The following DIP2B variants were observed in gnomAD, a reference collection of about 807,000 sequenced individuals.
DIP2B encodes the protein DIP2 acetate--CoA ligase B (putative), also known as disco-interacting protein 2 homolog B.
A neutral mutation model predicts 198.0 loss-of-function variants in DIP2B; 76 were observed. The observed-to-expected ratio is 0.38, with a 90% CI of 0.32 to 0.46. The LOEUF (loss-of-function observed/expected upper bound fraction) is 0.46. Among genes scored for constraint, DIP2B ranks in the 20% least tolerant of loss-of-function variants. The pLI is 0.99. For missense variants in DIP2B, 1,559 were observed against 1,978.4 expected (o/e 0.79, Z 4.02); for synonymous variants, 701 against 739.1 (o/e 0.95, Z 0.84).
At chr12:50,669,853 G>A (rs1037470689) in intron 4 of DIP2B, among the ~76,000 whole-genome samples, 1 of 152,092 alleles carries the variant, frequency 6.6e-6, no homozygotes, top group African/African-American at 2.4e-5. Context: ...TATGTATTTG[G>A]CTCTTTGAAC....
At chr12:50,572,478 C>T (rs1467338122) in intron 1 of DIP2B, among the ~76,000 whole-genome samples, 4 of 152,116 alleles carry the variant, frequency 2.6e-5, no homozygotes, top group African/African-American at 9.7e-5. Flanking sequence ...AGAATGCTTT[C>T]GCAACAACTT....
intron 1 of DIP2B, among the ~76,000 whole-genome samples, chr12:50,608,284 G>A (rs1959001285): frequency 1.3e-5 from 2 of 152,106 alleles, no homozygotes; most frequent in South Asian, 2.1e-4. Flanking sequence ...ATTTAGAAAA[G>A]CCATTTTGAT....
rs186166942 is a variant in DIP2B, at chr12:50,549,423, G to A, written c.100+44183G>A. ...CGGGTGCCTGTAGTCCCAGCTACAC[G>A]GGAGGCTGAGGCAGGAGAATGGCGT... On this transcript the variant is annotated intron_variant, in intron 1 of 37. Coordinates refer to ENST00000301180, the MANE Select transcript of DIP2B (RefSeq NM_173602.3). 2.7e-3 allele frequency among the ~76,000 whole-genome samples: 414 copies of A among 152,226 alleles called. 2 individuals are homozygous for A. Among genetic ancestry groups the A allele is most frequent in the African/African-American group, 9.1e-3 (380 of 41,544 alleles).
chr12:50,565,495 A>G (rs1958556197), intron 1 of DIP2B, among the ~76,000 whole-genome samples: 1 of 152,040 alleles, frequency 6.6e-6, no homozygotes, highest in Admixed American at 6.6e-5. Flanking sequence ...ACGGGGTTTC[A>G]CTGTGTTAGC....
chr12:50,666,416 C>T (rs985704227), intron 4 of DIP2B, among the ~76,000 whole-genome samples: 2 of 152,092 alleles, frequency 1.3e-5, no homozygotes, highest in Non-Finnish European at 1.5e-5. Flanking sequence ...AGTTAGATAA[C>T]CTGAAAATTA....
Position 50,715,341 on chromosome 12 carries a change from T to G in DIP2B, c.2851+745T>G, listed in dbSNP as rs1014978519. Among the ~76,000 whole-genome samples, 10 of 152,198 alleles carry G rather than the reference T, an allele frequency of 6.6e-5. 1 individual carries two copies. Among genetic ancestry groups the G allele is most frequent in the Admixed American group, 5.2e-4 (8 of 15,264 alleles). Reference sequence around the variant, plus strand: ...TGGCTTGGCTGGGATCCACTGGACTTGACTTGGCTCCAGGCTTAGGTTGGG... The same window carrying G: ...TGGCTTGGCTGGGATCCACTGGACTGGACTTGGCTCCAGGCTTAGGTTGGG... On this transcript the variant is annotated intron_variant, in intron 23 of 37. Transcript: ENST00000301180.
chr12:50,744,143 G>A (rs1418112387), intron 37 of DIP2B, among the ~76,000 whole-genome samples: 3 of 152,058 alleles, frequency 2.0e-5, no homozygotes, highest in African/African-American at 2.4e-5. Context: ...CTGGGACTAC[G>A]GGTGCTCACC....
chr12:50,675,297 G>T, intron 6 of DIP2B, 32 bp from the exon 7 acceptor site: 1 of 1,604,020 alleles, frequency 6.2e-7, no homozygotes, highest in South Asian at 1.1e-5. Flanking sequence ...TACAGTCAAT[G>T]AATTTTAACT....
At chr12:50,524,066 T>C (rs1465392495) in intron 1 of DIP2B, among the ~76,000 whole-genome samples, 1 of 152,222 alleles carries the variant, frequency 6.6e-6, no homozygotes, top group African/African-American at 2.4e-5. Flanking sequence ...TATTTGGAGC[T>C]GAAAGGCCAT....
At chr12:50,694,867 A>G (rs1327254979) in intron 14 of DIP2B, among the ~76,000 whole-genome samples, 1 of 150,480 alleles carries the variant, frequency 6.6e-6, no homozygotes, top group Non-Finnish European at 1.5e-5. Context: ...AAAAAGAATT[A>G]TGTAGATCTC....
chr12:50,714,288 A>C, intron 22 of DIP2B, 107 bp from the exon 23 acceptor site: 1 of 1,209,650 alleles, frequency 8.3e-7, no homozygotes, highest in South Asian at 1.4e-5. Flanking sequence ...TAGATCTAGA[A>C]TGGGTAGAGT....
At chr12:50,598,734 TCCCCCCTCCCCC>T (rs1958900257) in intron 1 of DIP2B, among the ~76,000 whole-genome samples, 1 of 224 alleles carries the variant, frequency 4.5e-3, no homozygotes, top group Non-Finnish European at 7.1e-3. Flanking sequence ...TTCCCTCCCC[TCCCCCCTCCCCC>T]CTCCCCCTCC....
chr12:50,711,188 G>A (rs527533809), intron 22 of DIP2B, among the ~76,000 whole-genome samples: 9 of 152,198 alleles, frequency 5.9e-5, no homozygotes, highest in East Asian at 1.9e-4. Flanking sequence ...CATTCTTTTC[G>A]CAGTCTTTGT....
At chr12:50,727,884 T>G (rs946731250) in intron 29 of DIP2B, 72 bp downstream of exon 29, 1 of 1,318,808 alleles carries the variant, frequency 7.6e-7, no homozygotes. Context: ...AAACTATAGA[T>G]GCAGAGGCCA....
intron 25 of DIP2B, among the ~76,000 whole-genome samples, chr12:50,720,947 T>C (rs1424883355): frequency 3.3e-5 from 5 of 152,156 alleles, no homozygotes; most frequent in African/African-American, 7.2e-5. Context: ...ACTACAGGCA[T>C]GTGCCACCAC....
At chr12:50,513,644 TG>T (rs1336165010) in intron 1 of DIP2B, among the ~76,000 whole-genome samples, 1 of 152,084 alleles carries the variant, frequency 6.6e-6, no homozygotes, top group Non-Finnish European at 1.5e-5. Flanking sequence ...GAGGCTGAGG[TG>T]GGCAGATCAC....
Position 50,510,667 on chromosome 12 carries a change from C to T in DIP2B, c.100+5427C>T, listed in dbSNP as rs1451695032. On this transcript the variant is annotated intron_variant, in intron 1 of 37. Coordinates refer to ENST00000301180, the MANE Select transcript of DIP2B (RefSeq NM_173602.3). ...TACCACCTTTTTTTTTTTTTTGAGA[C>T]GGAGTTTCACTCTTGTTGCCCAGGC... 9.8e-5 allele frequency among the ~76,000 whole-genome samples: 14 copies of T among 142,680 alleles called. No individual in the cohort carries two copies. In the South Asian group the frequency reaches 2.2e-3, roughly 23 times the overall value. 93.6% of individuals were successfully genotyped at this position (142,680 alleles called of 152,430 possible). A position where few individuals can be genotyped will look rare whatever the true frequency, so the allele number is the denominator to read the frequency against.
At chr12:50,701,748 AC>A (rs1184871977) in intron 19 of DIP2B, among the ~76,000 whole-genome samples, 27 of 151,894 alleles carry the variant, frequency 1.8e-4, no homozygotes, top group Non-Finnish European at 3.8e-4. Flanking sequence ...AGGGAGAAAA[AC>A]TTTTGTGACA....
intron 1 of DIP2B, among the ~76,000 whole-genome samples, chr12:50,547,413 G>A (rs913747552): frequency 4.6e-5 from 7 of 152,072 alleles, no homozygotes; most frequent in African/African-American, 1.7e-4. Flanking sequence ...ATATGTCTAG[G>A]AATCTGTCCC....
Sources: gnomAD v4.1 joint callset for allele counts (sites outside exome capture counted in the v4.1 genomes callset) on GRCh38, gnomAD v4.1.1 for gene constraint, MANE v1.5 for transcripts, NCBI Gene and HGNC (gene_info 2026-07-23, HGNC 2026-07-21) for gene names.